The following TBC1D5 variants were observed in gnomAD, a reference collection of about 807,000 sequenced individuals.
TBC1D5 encodes the protein TBC1 domain family, member 5.
TBC1D5 carries 75 observed loss-of-function variants against 100.3 expected under a neutral mutation model. That is an observed-to-expected ratio of 0.75 (90% confidence interval 0.62 to 0.91). The LOEUF (loss-of-function observed/expected upper bound fraction) is 0.91. TBC1D5 is among the 40% of genes least tolerant of loss of function. The probability of loss-of-function intolerance (pLI) is 0.00; values close to 1 mark genes in which losing one functional copy is unlikely to be tolerated. For synonymous variants in TBC1D5, 323 were observed against 325.6 expected (o/e 0.99, Z 0.09); for missense variants, 910 against 942.4 (o/e 0.97, Z 0.45).
intron 2 of TBC1D5, among the ~76,000 whole-genome samples, chr3:17,544,375 G>A (rs555151661): frequency 7.2e-5 from 11 of 152,194 alleles, no homozygotes; most frequent in Non-Finnish European, 1.3e-4. Context: ...GAACTCGGCC[G>A]GGCGCACTGG....
At chr3:17,574,795 T>C (rs1160192044) in intron 2 of TBC1D5, among the ~76,000 whole-genome samples, 1 of 152,056 alleles carries the variant, frequency 6.6e-6, no homozygotes, top group Non-Finnish European at 1.5e-5. Flanking sequence ...TCATTCTTGA[T>C]TTTTCATAGG....
At chr3:17,528,601 C>T (rs567265037) in intron 2 of TBC1D5, among the ~76,000 whole-genome samples, 6 of 152,256 alleles carry the variant, frequency 3.9e-5, no homozygotes, top group African/African-American at 1.2e-4. Flanking sequence ...CTACATCATA[C>T]TTTTTGTTCT....
At chr3:17,163,271 T>C (rs926946190) in intron 21 of TBC1D5, among the ~76,000 whole-genome samples, 1 of 137,884 alleles carries the variant, frequency 7.3e-6, no homozygotes. Context: ...CCCCCTTCCT[T>C]GCCCCTTTGC....
At chr3:17,638,691 G>C (rs951270202) in intron 1 of TBC1D5, among the ~76,000 whole-genome samples, 1 of 152,102 alleles carries the variant, frequency 6.6e-6, no homozygotes, top group Non-Finnish European at 1.5e-5. Flanking sequence ...AACTGAATTT[G>C]AAGAAGCCAT....
At chr3:17,418,745 A>G (rs2094142134) in intron 4 of TBC1D5, among the ~76,000 whole-genome samples, 1 of 152,236 alleles carries the variant, frequency 6.6e-6, no homozygotes, top group Non-Finnish European at 1.5e-5. Context: ...TGTATGGGTC[A>G]CATTAGCTGT....
At chr3:17,314,203 C>A (rs2084387035) in intron 13 of TBC1D5, among the ~76,000 whole-genome samples, 1 of 152,056 alleles carries the variant, frequency 6.6e-6, no homozygotes, top group African/African-American at 2.4e-5. Flanking sequence ...CAGCAGGATC[C>A]TAGGGGTTAT....
intron 3 of TBC1D5, among the ~76,000 whole-genome samples, chr3:17,472,496 T>C (rs2095389406): frequency 6.6e-6 from 1 of 152,158 alleles, no homozygotes; most frequent in South Asian, 2.1e-4. Flanking sequence ...CCTTTCTTTC[T>C]GTCCTAACTA....
chr3:17,224,232 C>CT (rs2148720014), intron 17 of TBC1D5, among the ~76,000 whole-genome samples: 1 of 152,252 alleles, frequency 6.6e-6, no homozygotes, highest in South Asian at 2.1e-4. Flanking sequence ...GGGAAAAAAG[C>CT]TAGCACAGTG....
chr3:17,370,690 G>A (rs2092406940), intron 13 of TBC1D5, among the ~76,000 whole-genome samples: 1 of 152,114 alleles, frequency 6.6e-6, no homozygotes, highest in African/African-American at 2.4e-5. Context: ...AAACAGCTGA[G>A]AGTTATTATT....
intron 1 of TBC1D5, among the ~76,000 whole-genome samples, chr3:17,689,610 G>C (rs1379171772): frequency 6.6e-6 from 1 of 151,844 alleles, no homozygotes; most frequent in Non-Finnish European, 1.5e-5. Context: ...GTATAATTCA[G>C]ACAATGTATA....
intron 1 of TBC1D5, among the ~76,000 whole-genome samples, chr3:17,666,127 G>T (rs1436238105): frequency 6.6e-6 from 1 of 152,062 alleles, no homozygotes; most frequent in South Asian, 2.1e-4. Flanking sequence ...TTTAGGGAAG[G>T]CAATAATTCT....
intron 1 of TBC1D5, among the ~76,000 whole-genome samples, chr3:17,673,041 A>C (rs1262352038): frequency 6.6e-6 from 1 of 152,242 alleles, no homozygotes; most frequent in Admixed American, 6.5e-5. Context: ...GTTGAGGAAT[A>C]ACGATGGCTA....
chr3:17,624,785 GAA>G (rs2062926107), intron 1 of TBC1D5, among the ~76,000 whole-genome samples: 1 of 151,978 alleles, frequency 6.6e-6, no homozygotes, highest in African/African-American at 2.4e-5. Context: ...AACCACCAAT[GAA>G]AGACCCTGTT....
chr3:17,740,903 A>C (rs1021642946), exon 1 of TBC1D5: 18 of 152,332 alleles, frequency 1.2e-4, no homozygotes, highest in African/African-American at 4.1e-4. Context: ...CAGGTGATGC[A>C]GTCACCATAC....
intron 4 of TBC1D5, among the ~76,000 whole-genome samples, chr3:17,418,440 T>C (rs2094135702): frequency 6.6e-6 from 1 of 152,148 alleles, no homozygotes; most frequent in African/African-American, 2.4e-5. Context: ...AAACCCCCAC[T>C]CTACTAAAAA....
At chr3:17,170,389 G>A (rs888574986) in intron 19 of TBC1D5, among the ~76,000 whole-genome samples, 1 of 152,152 alleles carries the variant, frequency 6.6e-6, no homozygotes, top group Non-Finnish European at 1.5e-5. Context: ...GGCTTTTTGG[G>A]TTCAAGGAAC....
chr3:17,309,920 G>A (rs1276945332), intron 13 of TBC1D5, among the ~76,000 whole-genome samples: 2 of 151,968 alleles, frequency 1.3e-5, no homozygotes, highest in Non-Finnish European at 2.9e-5. Context: ...ACAGTTATTC[G>A]GCTGACACAA....
intron 1 of TBC1D5, among the ~76,000 whole-genome samples, chr3:17,633,065 A>G (rs1577128464): frequency 6.6e-6 from 1 of 152,300 alleles, no homozygotes; most frequent in Non-Finnish European, 1.5e-5. Context: ...ACCATCTGCA[A>G]TAACAATTCA....
At chr3:17,591,267 C>CAAAAAA (rs370530999) in intron 2 of TBC1D5, among the ~76,000 whole-genome samples, 1 of 78,306 alleles carries the variant, frequency 1.3e-5, no homozygotes. Flanking sequence ...AAAAAAAAAA[C>CAAAAAA]AAAAACCCCA....
Sources: gnomAD v4.1 joint callset for allele counts (sites outside exome capture counted in the v4.1 genomes callset) on GRCh38, gnomAD v4.1.1 for gene constraint, MANE v1.5 for transcripts, NCBI Gene and HGNC (gene_info 2026-07-23, HGNC 2026-07-21) for gene names.